SPICE1: variants seen among roughly 807,000 people sequenced by gnomAD.
SPICE1 encodes the protein spindle and centriole-associated protein 1.
SPICE1 carries 75 observed loss-of-function variants against 102.7 expected under a neutral mutation model. That is an observed-to-expected ratio of 0.73 (90% CI 0.61 to 0.88). The LOEUF (loss-of-function observed/expected upper bound fraction) is 0.88, where lower values mean the gene tolerates loss of function less well. Among genes scored for constraint, SPICE1 ranks in the 40% least tolerant of loss-of-function variants. The pLI, the probability that SPICE1 is intolerant of heterozygous loss-of-function variation, is 0.00. For missense variants in SPICE1, 979 were observed against 1,020.1 expected (o/e 0.96, Z 0.55); for synonymous variants, 308 against 350.3 (o/e 0.88, Z 1.35).
At chr3:113,506,029 G>A (rs556699971) in intron 2 of SPICE1, among the ~76,000 whole-genome samples, 4 of 152,256 alleles carry the variant, frequency 2.6e-5, no homozygotes, top group South Asian at 2.1e-4. Flanking sequence ...TTCTGAAACC[G>A]ATCAACCTCT....
intron 6 of SPICE1, among the ~76,000 whole-genome samples, chr3:113,491,624 C>CAAAAAAAAAAAAAAAAA (rs869171154): frequency 5.2e-5 from 2 of 38,106 alleles, no homozygotes; most frequent in African/African-American, 8.7e-5. Context: ...GACTCCGTCT[C>CAAAAAAAAAAAAAAAAA]AAAAAAAAAA....
chr3:113,446,777 G>A, intron 16 of SPICE1, 101 bp from the exon 17 acceptor site: 1 of 925,352 alleles, frequency 1.1e-6, no homozygotes, highest in Non-Finnish European at 1.7e-6. Context: ...GCAAGAGCTT[G>A]AAAACATATG....
intron 7 of SPICE1, among the ~76,000 whole-genome samples, chr3:113,474,112 AC>A (rs1221211885): frequency 6.6e-6 from 1 of 151,674 alleles, no homozygotes; most frequent in African/African-American, 2.4e-5. Context: ...CAAATGGAAA[AC>A]AAAAAAAGGC....
At chr3:113,453,326 T>C (rs16861001) in intron 14 of SPICE1, 140 bp downstream of exon 14, 18,134 of 928,148 alleles carry the variant, frequency 0.02, 424 homozygotes, top group African/African-American at 0.093. Context: ...ACCTATTGTA[T>C]TGAGGACATG....
chr3:113,445,249 A>T lies in SPICE1; in HGVS notation c.*58T>A. The stretch of plus-strand genomic sequence containing the variant: ...AAGGATATAAAAACTTAAAAGTCAG[A>T]GCAGGGAAAGGGAAGTAATAAATTA... On this transcript the variant is annotated 3_prime_UTR_variant, in exon 18 of 18. Coordinates refer to ENST00000295872, the MANE Select transcript of SPICE1 (RefSeq NM_144718.4). 1 of 1,413,118 alleles carries T rather than the reference A, an allele frequency of 7.1e-7. No individual in the cohort carries two copies. The highest frequency in any genetic ancestry group is 9.9e-7 in the Non-Finnish European group (1 of 1,008,366). The allele number at this position is 1,413,118 out of a possible 1,614,324, so 87.5% of individuals were successfully genotyped here.
At chr3:113,456,333 G>T (rs1935778114) in intron 13 of SPICE1, among the ~76,000 whole-genome samples, 1 of 150,778 alleles carries the variant, frequency 6.6e-6, no homozygotes, top group Admixed American at 6.6e-5. Context: ...ACTTGTCAAA[G>T]AAATAAAAAT....
At position 113,461,479 on chromosome 3, in the gene SPICE1, G is replaced by T. The variant is rs565768928; in HGVS notation, c.1288-715C>A. On this transcript the variant is annotated intron_variant, in intron 11 of 17. Transcript: ENST00000295872. The stretch of plus-strand genomic sequence containing the variant: ...CATTCTTACATGTAAAAGTCAAACA[G>T]ATTGCCCAGAAGGTTAGATGAATTT... Among the ~76,000 whole-genome samples, 151 of 152,078 alleles carry T rather than the reference G, an allele frequency of 9.9e-4. 6 individuals are homozygous for T. The South Asian group carries it at 0.031, about 31-fold the overall frequency.
intron 7 of SPICE1, among the ~76,000 whole-genome samples, chr3:113,474,827 GA>G (rs1193383322): frequency 6.6e-6 from 1 of 152,016 alleles, no homozygotes; most frequent in Non-Finnish European, 1.5e-5. Flanking sequence ...ATGCCCACAA[GA>G]GAAAGCAGGA....
At chr3:113,495,257 C>T (rs1936858216) in intron 4 of SPICE1, among the ~76,000 whole-genome samples, 1 of 152,164 alleles carries the variant, frequency 6.6e-6, no homozygotes, top group East Asian at 1.9e-4. Flanking sequence ...TGCTCAGTTT[C>T]CAACACTTGA....
rs749676598 is a variant in SPICE1 at position 113,450,515 on chromosome 3, G to A, written c.2144C>T (p.Thr715Ile). ...KQESASDMTS[T>I]FPVAQSLTPG... ...TGTTAGAGACTGTGCTACTGGAAAA[G>A]TCTTTGGGAGAAAAAAAAAAAAAGT... Residue 715 changes from threonine to isoleucine, a missense_variant and splice_region_variant, in exon 15 of 18, where the codon ACT becomes ATT. Transcript: ENST00000295872. 2 of 1,542,842 alleles carry A rather than the reference G, an allele frequency of 1.3e-6. No individual in the cohort carries two copies. The highest frequency in any genetic ancestry group is 1.4e-5 in the African/African-American group (1 of 70,228).
intron 7 of SPICE1, 62 bp from the exon 8 acceptor site, chr3:113,469,300 ATAAAT>A (rs1936138605): frequency 1.5e-6 from 1 of 681,198 alleles, no homozygotes. Context: ...TAATATAAAT[ATAAAT>A]TAAATGATAG....
intron 14 of SPICE1, among the ~76,000 whole-genome samples, chr3:113,453,226 C>T (rs372123139): frequency 7.2e-5 from 11 of 152,170 alleles, no homozygotes; most frequent in East Asian, 3.8e-4. Context: ...AGCTTTCCTA[C>T]GCATTTTATC....
At chr3:113,471,775 AC>A (rs1936204407) in intron 7 of SPICE1, among the ~76,000 whole-genome samples, 1 of 152,160 alleles carries the variant, frequency 6.6e-6, no homozygotes, top group Admixed American at 6.5e-5. Context: ...ACTTATTAAA[AC>A]AAAAAAAAAA....
chr3:113,460,059 T>C, intron 12 of SPICE1: 6 of 985,380 alleles, frequency 6.1e-6, no homozygotes, highest in South Asian at 4.7e-5. Context: ...AAAGTCTTAC[T>C]TAAAAGTAAA....
intron 2 of SPICE1, among the ~76,000 whole-genome samples, chr3:113,504,351 A>G (rs1937066278): frequency 1.0e-5 from 1 of 95,858 alleles, no homozygotes; most frequent in East Asian, 2.5e-4. Flanking sequence ...TTCTGATCAA[A>G]GACTAAACTT....
At chr3:113,468,665 G>A (rs1936121450) in intron 9 of SPICE1, 97 bp downstream of exon 9, 1 of 1,366,582 alleles carries the variant, frequency 7.3e-7, no homozygotes, top group Admixed American at 2.5e-5. Context: ...GGAACCATGT[G>A]GATGAGATTA....
chr3:113,459,802 A>T (rs947241845), intron 12 of SPICE1: 2 of 890,176 alleles, frequency 2.2e-6, no homozygotes. Flanking sequence ...GAATCGCTTG[A>T]AACTGGAAGG....
chr3:113,504,640 G>C (rs1937074508), intron 2 of SPICE1, among the ~76,000 whole-genome samples: 1 of 147,996 alleles, frequency 6.8e-6, no homozygotes, highest in South Asian at 2.2e-4. Flanking sequence ...AGGATCATGA[G>C]AATTGTTTTT....
Position 113,443,091 on chromosome 3 carries a change from G to A in SPICE1, c.*2216C>T, listed in dbSNP as rs1935425736. The A allele has an allele frequency of 1.3e-5, 2 of 152,084 alleles. No homozygotes were observed. Among genetic ancestry groups the A allele is most frequent in the South Asian group, 2.1e-4 (1 of 4,818 alleles). The allele number at this position is 152,084 out of a possible 1,614,324, so 9.4% of individuals were successfully genotyped here. On this transcript the variant is annotated 3_prime_UTR_variant, in exon 18 of 18. Coordinates refer to ENST00000295872, the MANE Select transcript of SPICE1 (RefSeq NM_144718.4). Reference sequence around the variant, plus strand: ...AAATTGGAAACATGGGGGAAATAGTGTATTTATTTATTTATATACCAAAAA... The same window carrying A: ...AAATTGGAAACATGGGGGAAATAGTATATTTATTTATTTATATACCAAAAA...
Sources: allele counts gnomAD v4.1 joint callset (sites outside exome capture counted in the v4.1 genomes callset), GRCh38; gene constraint gnomAD v4.1.1; transcripts MANE v1.5; gene names NCBI Gene and HGNC (gene_info 2026-07-23, HGNC 2026-07-21).